ZNF18: variants seen among roughly 807,000 people sequenced by gnomAD.
ZNF18 encodes zinc finger protein 18.
In ZNF18, 42 loss-of-function variants were observed where a neutral mutation model predicts 58.1. That is an observed-to-expected ratio of 0.72 (90% CI 0.56 to 0.93). The LOEUF is 0.93. Ranked by LOEUF, ZNF18 falls within the 40% of genes least tolerant of loss-of-function variation. ZNF18 has a pLI of 0.00. For synonymous variants in ZNF18, 231 were observed against 239.8 expected (o/e 0.96, Z 0.34); for missense variants, 540 against 644.2 (o/e 0.84, Z 1.75).
intron 1 of ZNF18, among the ~76,000 whole-genome samples, chr17:11,993,144 T>C (rs1045329116): frequency 6.6e-6 from 1 of 152,218 alleles, no homozygotes; most frequent in Admixed American, 6.5e-5. Context: ...ATGTTCTTTC[T>C]TGGTCTTCAA....
chr17:11,978,792 T>C (rs1018435435), intron 6 of ZNF18, 48 bp from the exon 7 acceptor site: 1 of 1,214,804 alleles, frequency 8.2e-7, no homozygotes, highest in African/African-American at 1.5e-5. Flanking sequence ...TATGCCCTGT[T>C]TTCTAACTCA....
At chr17:11,999,305 A>G (rs2151492411), upstream of ZNF18, among the ~76,000 whole-genome samples, 1 of 152,326 alleles carries the variant, frequency 6.6e-6, no homozygotes, top group Middle Eastern at 3.4e-3. Context: ...ATCTACATAC[A>G]ACACTTTGCA....
chr17:12,013,666 G>T, the ZNF18 span, among the ~76,000 whole-genome samples: 1 of 152,014 alleles, frequency 6.6e-6, no homozygotes, highest in African/African-American at 2.4e-5. Context: ...TTTCTCTCCT[G>T]CTCATTAACA....
chr17:11,996,270 A>T lies in ZNF18; in HGVS notation c.-83+1161T>A, dbSNP rs34857666. Among the ~76,000 whole-genome samples the T allele has an allele frequency of 3.0e-3, 454 of 152,358 alleles. 3 individuals carry two copies. The highest frequency in any genetic ancestry group is 0.014 in the Middle Eastern group (4 of 294). On this transcript the variant is annotated intron_variant, in intron 1 of 6. Coordinates refer to ENST00000580306, the MANE Select transcript of ZNF18 (RefSeq NM_001303281.2). The stretch of plus-strand genomic sequence containing the variant: ...TTAAAAAACGAATAAATATATTTTT[A>T]AAAATACCTTGCTTTGTAAATCCAA...
At position 11,977,942 on chromosome 17, in the gene ZNF18, G is replaced by C. The variant is rs1181672802; in HGVS notation, c.*15C>G. ...GCTGGGAGATAGAAATGGGGAAAGA[G>C]AGTTTGGTTACTGGCTATTGAAAGG... On this transcript the variant is annotated 3_prime_UTR_variant, in exon 7 of 7. Transcript: ENST00000580306. 4 of 1,540,030 alleles carry C rather than the reference G, an allele frequency of 2.6e-6. No homozygotes were observed. The highest frequency in any genetic ancestry group is 3.5e-6 in the Non-Finnish European group (4 of 1,146,964).
chr17:11,991,353 G>A (rs532441483), intron 2 of ZNF18, among the ~76,000 whole-genome samples, 190 bp from the exon 3 acceptor site: 1 of 152,180 alleles, frequency 6.6e-6, no homozygotes, highest in Non-Finnish European at 1.5e-5. Context: ...CAAAAGCTGA[G>A]GCCCGAATCA....
the ZNF18 span, among the ~76,000 whole-genome samples, chr17:12,007,816 A>G: frequency 2.0e-5 from 3 of 152,204 alleles, no homozygotes; most frequent in Non-Finnish European, 4.4e-5. Context: ...AATTTTAAAA[A>G]GCAAGCTTTT....
chr17:11,989,197 T>C (rs1452544285), intron 4 of ZNF18, among the ~76,000 whole-genome samples: 1 of 150,644 alleles, frequency 6.6e-6, no homozygotes, highest in East Asian at 1.9e-4. Flanking sequence ...TTGTGGCACA[T>C]GCCTGTAGTT....
chr17:11,983,602 G>A (rs1967525576), intron 5 of ZNF18, among the ~76,000 whole-genome samples, 195 bp from the exon 6 acceptor site: 2 of 152,164 alleles, frequency 1.3e-5, no homozygotes. Context: ...AGATGGTAAA[G>A]GCCATGAAAA....
At chr17:12,001,202 C>G (rs1968650041), upstream of ZNF18, among the ~76,000 whole-genome samples, 1 of 152,106 alleles carries the variant, frequency 6.6e-6, no homozygotes, top group Non-Finnish European at 1.5e-5. Flanking sequence ...ACAAGCCACA[C>G]CAAAAACAAA....
intron 1 of ZNF18, among the ~76,000 whole-genome samples, chr17:11,994,231 G>A (rs1968320396): frequency 6.6e-6 from 1 of 152,126 alleles, no homozygotes. Flanking sequence ...AGGAAACAAT[G>A]TCTTCATCCT....
intron 4 of ZNF18, among the ~76,000 whole-genome samples, chr17:11,989,021 T>C (rs1442174584): frequency 6.6e-6 from 1 of 152,066 alleles, no homozygotes; most frequent in East Asian, 1.9e-4. Flanking sequence ...TAGTCAGGCA[T>C]GGTGGCACAC....
At chr17:11,982,774 A>G (rs1567600141) in intron 6 of ZNF18, among the ~76,000 whole-genome samples, 1 of 151,960 alleles carries the variant, frequency 6.6e-6, no homozygotes, top group Non-Finnish European at 1.5e-5. Flanking sequence ...ACTATTTTAC[A>G]AGATAACAAG....
At chr17:12,011,140 C>T in the ZNF18 span, 3,966 of 608,240 alleles carry the variant, frequency 6.5e-3, 85 homozygotes, top group East Asian at 0.059. Flanking sequence ...CGCCTGTGCA[C>T]GGCCAAAGGA....
Position 11,978,840 on chromosome 17 carries a change from C to CTTTTTTTT in ZNF18, c.863-104_863-97dup, listed in dbSNP as rs56969015. 106 of 120,554 alleles carry CTTTTTTTT rather than the reference C, an allele frequency of 8.8e-4. 11 individuals carry two copies. The highest frequency in any genetic ancestry group is 1.3e-3 in the Non-Finnish European group (85 of 67,168). The allele number at this position is 120,554 out of a possible 1,614,324, so 7.5% of individuals were successfully genotyped here. A position where few individuals can be genotyped will look rare whatever the true frequency, so the allele number is the denominator to read the frequency against. ...AGGGTCATCATAAAACATTCATTTTCTTTTTTTTTTTTTTTTTTTTTTTTT... is the reference window on the plus strand; with the variant it reads ...AGGGTCATCATAAAACATTCATTTTCTTTTTTTTTTTTTTTTTTTTTTTTTTTTTTTTT... On this transcript the variant is annotated intron_variant, in intron 6 of 6. Transcript: ENST00000580306.
upstream of ZNF18, among the ~76,000 whole-genome samples, chr17:12,001,400 C>G (rs555227908): frequency 6.6e-6 from 1 of 152,042 alleles, no homozygotes; most frequent in Non-Finnish European, 1.5e-5. Flanking sequence ...GAGGCTGAGG[C>G]GGGCGGATCA....
the ZNF18 span, among the ~76,000 whole-genome samples, chr17:12,014,659 T>C: frequency 1.3e-5 from 2 of 152,146 alleles, no homozygotes; most frequent in East Asian, 1.9e-4. Flanking sequence ...TGGAGTCCAA[T>C]GGGGAGCAAC....
At chr17:12,009,926 C>A in the ZNF18 span, among the ~76,000 whole-genome samples, 2 of 152,096 alleles carry the variant, frequency 1.3e-5, no homozygotes, top group Non-Finnish European at 2.9e-5. Context: ...GAAAAAAGTG[C>A]CTAAAATATG....
intron 6 of ZNF18, among the ~76,000 whole-genome samples, chr17:11,981,974 G>C (rs1348182981): frequency 6.6e-6 from 1 of 152,210 alleles, no homozygotes; most frequent in Non-Finnish European, 1.5e-5. Flanking sequence ...GTCTAGATGA[G>C]GTCCTAAGGG....
Sources: gnomAD v4.1 joint callset for allele counts (sites outside exome capture counted in the v4.1 genomes callset) on GRCh38, gnomAD v4.1.1 for gene constraint, MANE v1.5 for transcripts, NCBI Gene and HGNC (gene_info 2026-07-23, HGNC 2026-07-21) for gene names.